The following RAPGEF1 variants were observed in gnomAD, a reference collection of about 807,000 sequenced individuals.
The protein encoded by RAPGEF1 is Rap guanine nucleotide exchange factor 1.
A neutral mutation model predicts 143.3 loss-of-function variants in RAPGEF1; 33 were observed. The ratio of observed to expected loss-of-function variants is 0.23; its 90% CI spans 0.17 to 0.31. RAPGEF1 has a LOEUF of 0.31. Among genes scored for constraint, RAPGEF1 ranks in the 10% least tolerant of loss-of-function variants. The pLI is 1.00. For missense variants in RAPGEF1, 1,199 were observed against 1,645.4 expected, an observed-to-expected ratio of 0.73 and a Z score of 4.69; for synonymous variants, 629 against 676.5, an observed-to-expected ratio of 0.93 and a Z score of 1.09.
At chr9:131,691,867 TA>T (rs918268199) in intron 1 of RAPGEF1, among the ~76,000 whole-genome samples, 15 of 152,112 alleles carry the variant, frequency 9.9e-5, no homozygotes, top group Admixed American at 4.6e-4. Context: ...TTTCTCAGAT[TA>T]AAAAAAACAC....
chr9:131,732,206 G>T (rs1290674947), intron 1 of RAPGEF1, among the ~76,000 whole-genome samples: 5 of 151,130 alleles, frequency 3.3e-5, no homozygotes, highest in African/African-American at 1.2e-4. Flanking sequence ...TAATGCTGCA[G>T]GAAGCCAGTC....
Position 131,641,211 on chromosome 9 carries a change from C to A in RAPGEF1, c.494+2028G>T, listed in dbSNP as rs1316718051. ...TCTGGGTGTGAGGGTCCAGGGGACG[C>A]TATCCTGGACTCTCCCAAAGAGGCT... On this transcript the variant is annotated intron_variant, in intron 4 of 26. Coordinates refer to ENST00000683357, the MANE Select transcript of RAPGEF1 (RefSeq NM_001377935.1). The surrounding 1 kb of genome is among the most constrained non-coding windows in gnomAD (Gnocchi z 4.6). Among the ~76,000 whole-genome samples, 1 of 152,136 alleles carries A rather than the reference C, an allele frequency of 6.6e-6. No homozygotes were observed. The highest frequency in any genetic ancestry group is 1.5e-5 in the Non-Finnish European group (1 of 68,008).
chr9:131,579,896 ACTGCCCCCAACAACG>A (rs1951600261), intron 26 of RAPGEF1, among the ~76,000 whole-genome samples: 1 of 152,200 alleles, frequency 6.6e-6, no homozygotes. Flanking sequence ...AGGTGATCCC[ACTGCCCCCAACAACG>A]CATGCCAGGG....
At position 131,667,470 on chromosome 9, in the gene RAPGEF1, G is replaced by A. The variant is rs1830626246; in HGVS notation, c.62-16521C>T. Among the ~76,000 whole-genome samples, 1 of 152,208 alleles carries A rather than the reference G, an allele frequency of 6.6e-6. No individual in the cohort carries two copies. The highest frequency in any genetic ancestry group is 1.5e-5 in the Non-Finnish European group (1 of 68,038). The stretch of plus-strand genomic sequence containing the variant: ...CACAGTACCTGGTACAGGGACAGAG[G>A]TGGCTGGGTGATGGCCTCAAGAAAT... On this transcript the variant is annotated intron_variant, in intron 1 of 26. Transcript: ENST00000683357. This position sits in a 1 kb window ranked among gnomAD's most constrained non-coding sequence, Gnocchi z 4.6.
At chr9:131,663,576 G>A (rs1772) in intron 1 of RAPGEF1, among the ~76,000 whole-genome samples, 13,706 of 151,554 alleles carry the variant, frequency 0.09, 763 homozygotes, top group East Asian at 0.26. Context: ...GCTTTTGGAC[G>A]TTGACATATT....
chr9:131,613,865 T>C (rs901570350), intron 12 of RAPGEF1, among the ~76,000 whole-genome samples: 1 of 152,124 alleles, frequency 6.6e-6, no homozygotes, highest in Non-Finnish European at 1.5e-5. Flanking sequence ...CACAGACTGG[T>C]AGACCACACC....
chr9:131,660,039 C>T (rs907864269), intron 1 of RAPGEF1, among the ~76,000 whole-genome samples: 28 of 151,278 alleles, frequency 1.9e-4, no homozygotes, highest in Admixed American at 7.9e-4. Context: ...AGGATGGTCT[C>T]GATCTCCTGA....
rs750941975 is a variant in RAPGEF1, at chr9:131,588,783, G to A, written c.3053+18C>T. On this transcript the variant is annotated intron_variant, in intron 20 of 26. Transcript: ENST00000683357. ...GGCTCCTGGGGAAGAGGCAGGGCTG[G>A]AGAGGTGGGCTTCTCACCTGGCTGC... 1.9e-6 allele frequency: 3 copies of A among 1,603,114 alleles called. No homozygotes were observed. The highest frequency in any genetic ancestry group is 2.6e-6 in the Non-Finnish European group (3 of 1,174,786).
chr9:131,592,427 A>G (rs1373925707), intron 17 of RAPGEF1, among the ~76,000 whole-genome samples: 1 of 152,170 alleles, frequency 6.6e-6, no homozygotes, highest in East Asian at 1.9e-4. Flanking sequence ...GGAAACAGGA[A>G]AGGGTTTTAT....
chr9:131,724,487 C>T (rs1041499264), intron 1 of RAPGEF1, among the ~76,000 whole-genome samples: 2 of 151,986 alleles, frequency 1.3e-5, no homozygotes, highest in East Asian at 1.9e-4. Context: ...CCCAGCTACT[C>T]GGGAGGCTGA....
intron 1 of RAPGEF1, among the ~76,000 whole-genome samples, chr9:131,713,369 C>G (rs543442442): frequency 1.8e-4 from 28 of 152,142 alleles, no homozygotes; most frequent in Non-Finnish European, 3.4e-4. Context: ...CAGAGAGGGG[C>G]AGGGATCAAC....
At position 131,739,845 on chromosome 9, in the gene RAPGEF1, G is replaced by T. The variant is rs1270487628; in HGVS notation, c.-15C>A. 2.0e-6 allele frequency: 2 copies of T among 1,021,570 alleles called. No homozygotes were observed. Among genetic ancestry groups the T allele is most frequent in the African/African-American group, 3.5e-5 (2 of 57,148 alleles). The allele number at this position is 1,021,570 out of a possible 1,614,324, so 63.3% of individuals were successfully genotyped here. On this transcript the variant is annotated 5_prime_UTR_variant, in exon 1 of 27. Transcript: ENST00000683357. ...CCGCCGCTCATCGGGCCCGGGCCGG[G>T]CCGCCGCGGGGCGACAGGGGCGGCG...
intron 1 of RAPGEF1, among the ~76,000 whole-genome samples, chr9:131,672,034 T>C (rs776928284): frequency 1.3e-5 from 2 of 152,108 alleles, no homozygotes; most frequent in African/African-American, 2.4e-5. Context: ...ACTGGGCCAA[T>C]AGGTGCTGCT....
intron 1 of RAPGEF1, among the ~76,000 whole-genome samples, chr9:131,738,205 T>C (rs918509335): frequency 6.7e-6 from 1 of 149,364 alleles, no homozygotes; most frequent in Non-Finnish European, 1.5e-5. Flanking sequence ...TATAAAGATA[T>C]AAAACATAAT....
chr9:131,579,695 A>G, intron 26 of RAPGEF1, 48 bp from the exon 27 acceptor site: 1 of 1,586,528 alleles, frequency 6.3e-7, no homozygotes. Context: ...TGTGGGCTGG[A>G]TGGCCCGATG....
At chr9:131,670,949 C>T in intron 1 of RAPGEF1, among the ~76,000 whole-genome samples, 1 of 152,200 alleles carries the variant, frequency 6.6e-6, no homozygotes, top group East Asian at 1.9e-4. Flanking sequence ...AAAGAGGCTC[C>T]TCAACCAAGT....
chr9:131,689,098 C>A (rs956595076), intron 1 of RAPGEF1, among the ~76,000 whole-genome samples: 1 of 152,138 alleles, frequency 6.6e-6, no homozygotes, highest in Admixed American at 6.5e-5. Flanking sequence ...TGGCTAACAA[C>A]TGCTTAGGGT....
chr9:131,627,371 A>T (rs1963521106), intron 9 of RAPGEF1, among the ~76,000 whole-genome samples: 1 of 152,158 alleles, frequency 6.6e-6, no homozygotes, highest in Non-Finnish European at 1.5e-5. Flanking sequence ...TACCAATGAA[A>T]ATCTTGCTAT....
At chr9:131,627,558 G>T (rs1388050682) in intron 9 of RAPGEF1, among the ~76,000 whole-genome samples, 1 of 152,136 alleles carries the variant, frequency 6.6e-6, no homozygotes, top group Non-Finnish European at 1.5e-5. Context: ...CTCCCCTTCA[G>T]CCTCTGTCAA....
Sources: allele counts gnomAD v4.1 joint callset (sites outside exome capture counted in the v4.1 genomes callset), GRCh38; gene constraint gnomAD v4.1.1; non-coding constraint Gnocchi (gnomAD v3.1); transcripts MANE v1.5; gene names NCBI Gene and HGNC (gene_info 2026-07-23, HGNC 2026-07-21).